MTBP: variants seen among roughly 807,000 people sequenced by gnomAD.
The protein encoded by MTBP is mdm2-binding protein.
A neutral mutation model predicts 117.0 loss-of-function variants in MTBP; 101 were observed. That is an observed-to-expected ratio of 0.86 (90% confidence interval 0.73 to 1.02). MTBP has a LOEUF of 1.02. MTBP is among the 50% of genes least tolerant of loss of function. The pLI is 0.00. For synonymous variants in MTBP, 350 were observed against 351.5 expected (o/e 1.00, Z 0.05); for missense variants, 970 against 1,030.9 (o/e 0.94, Z 0.81).
intron 13 of MTBP, among the ~76,000 whole-genome samples, chr8:120,493,742 C>T (rs1034762243): frequency 2.6e-5 from 4 of 152,212 alleles, no homozygotes; most frequent in African/African-American, 7.2e-5. Flanking sequence ...CCACCCGCTT[C>T]GGCCTCCCAA....
At chr8:120,498,918 T>C (rs1308174747) in intron 14 of MTBP, among the ~76,000 whole-genome samples, 1 of 152,152 alleles carries the variant, frequency 6.6e-6, no homozygotes, top group African/African-American at 2.4e-5. Flanking sequence ...CTAGGGCTTT[T>C]ATATAAGTTT....
intron 2 of MTBP, among the ~76,000 whole-genome samples, chr8:120,447,742 T>A (rs892666576): frequency 5.9e-5 from 9 of 152,302 alleles, no homozygotes; most frequent in Admixed American, 3.9e-4. Flanking sequence ...TACCCTGTAA[T>A]TTTAAAACCT....
At chr8:120,499,329 CAA>C (rs563234546) in intron 14 of MTBP, among the ~76,000 whole-genome samples, 369 of 152,236 alleles carry the variant, frequency 2.4e-3, no homozygotes, top group African/African-American at 8.4e-3. Context: ...GTAACTTTCT[CAA>C]AGAGGCTTTC....
At chr8:120,459,715 A>G (rs1337488371) in intron 8 of MTBP, among the ~76,000 whole-genome samples, 1 of 152,132 alleles carries the variant, frequency 6.6e-6, no homozygotes, top group African/African-American at 2.4e-5. Context: ...TGTGTCACCT[A>G]TAAGTTGTTT....
intron 13 of MTBP, among the ~76,000 whole-genome samples, chr8:120,491,969 G>A (rs1814355703): frequency 6.6e-6 from 1 of 152,130 alleles, no homozygotes; most frequent in African/African-American, 2.4e-5. Flanking sequence ...GTTCAACAGA[G>A]TTGGTGAGAG....
intron 11 of MTBP, among the ~76,000 whole-genome samples, chr8:120,480,013 A>C (rs146799230): frequency 6.6e-6 from 1 of 152,144 alleles, no homozygotes; most frequent in South Asian, 2.1e-4. Context: ...GAAGTAAAAG[A>C]AGTACACTGA....
At chr8:120,492,899 T>C (rs746262289) in intron 13 of MTBP, among the ~76,000 whole-genome samples, 1 of 152,184 alleles carries the variant, frequency 6.6e-6, no homozygotes, top group Non-Finnish European at 1.5e-5. Flanking sequence ...TTATGACTTT[T>C]TGTATTTGGA....
chr8:120,465,602 A>G (rs1442024325), intron 10 of MTBP, among the ~76,000 whole-genome samples: 3 of 150,786 alleles, frequency 2.0e-5, no homozygotes. Context: ...ATTTGAAGGT[A>G]TGATGAAATT....
At chr8:120,494,485 G>T (rs1227015901) in intron 13 of MTBP, among the ~76,000 whole-genome samples, 1 of 152,292 alleles carries the variant, frequency 6.6e-6, no homozygotes, top group Non-Finnish European at 1.5e-5. Flanking sequence ...CCATCTTTCA[G>T]TCCCTGTGTT....
At chr8:120,450,960 T>C in intron 2 of MTBP, 43 bp from the exon 3 acceptor site, 1 of 1,419,364 alleles carries the variant, frequency 7.0e-7, no homozygotes, top group Non-Finnish European at 9.8e-7. Flanking sequence ...ATCTGCTTAT[T>C]TATGGTATGC....
intron 13 of MTBP, among the ~76,000 whole-genome samples, chr8:120,496,927 T>C (rs1262466953): frequency 6.6e-6 from 1 of 152,182 alleles, no homozygotes; most frequent in Non-Finnish European, 1.5e-5. Context: ...ACTCGGTCAT[T>C]TATGTCTTCC....
At chr8:120,447,331 T>C (rs1268975640) in intron 2 of MTBP, among the ~76,000 whole-genome samples, 2 of 152,160 alleles carry the variant, frequency 1.3e-5, no homozygotes, top group Non-Finnish European at 2.9e-5. Context: ...TGATTTCTAA[T>C]ATGTGTATGC....
At chr8:120,477,877 A>G (rs1039871364) in intron 11 of MTBP, among the ~76,000 whole-genome samples, 2 of 152,182 alleles carry the variant, frequency 1.3e-5, no homozygotes, top group Non-Finnish European at 2.9e-5. Context: ...CAGAAATACC[A>G]TTTGACCCAG....
At chr8:120,498,598 T>A (rs1003518591) in intron 14 of MTBP, among the ~76,000 whole-genome samples, 10 of 152,202 alleles carry the variant, frequency 6.6e-5, no homozygotes, top group Non-Finnish European at 1.2e-4. Context: ...TTAAATTAAT[T>A]ATTCCTAAAT....
At chr8:120,500,159 A>C (rs1199171512) in intron 14 of MTBP, among the ~76,000 whole-genome samples, 9 of 150,802 alleles carry the variant, frequency 6.0e-5, no homozygotes, top group Admixed American at 5.9e-4. Context: ...CTATTGTTCT[A>C]TTTCTGTGTT....
rs1459636791 is a variant in MTBP at position 120,502,501 on chromosome 8, C to T, written c.1619C>T (p.Pro540Leu). ...KTFNILNDFS[P>L]VEPNSSSLME... ...ATTTCTTTCACTTTAGATTTTAGTC[C>T]AGTGGAACCTAATTCCTCAAGTCTA... Residue 540 changes from proline to leucine, a missense_variant, in exon 15 of 22, where the codon CCA becomes CTA. Physicochemically the swap from Pro to Leu is moderately conservative, Grantham distance 98 (BLOSUM62 -3). Coordinates refer to ENST00000305949, the MANE Select transcript of MTBP (RefSeq NM_022045.5). The T allele has an allele frequency of 5.7e-6, 9 of 1,586,520 alleles. No homozygotes were observed. Among genetic ancestry groups the T allele is most frequent in the Non-Finnish European group, 6.9e-6 (8 of 1,167,410 alleles).
chr8:120,514,985 T>A (rs1010379979), intron 17 of MTBP, among the ~76,000 whole-genome samples: 8 of 151,986 alleles, frequency 5.3e-5, no homozygotes, highest in African/African-American at 1.9e-4. Context: ...TATGTAAGTG[T>A]CACAAGGGAA....
chr8:120,522,799 G>GTAA (rs1397659004), intron 21 of MTBP, 80 bp downstream of exon 21: 13 of 1,072,418 alleles, frequency 1.2e-5, no homozygotes, highest in Non-Finnish European at 1.5e-5. Context: ...CATTATATAT[G>GTAA]CAGCAGTAAT....
At chr8:120,480,235 C>CA (rs33996388) in intron 11 of MTBP, among the ~76,000 whole-genome samples, 1,408 of 132,450 alleles carry the variant, frequency 0.011, 26 homozygotes, top group African/African-American at 0.036. Context: ...CCCGTCTCTA[C>CA]AAAAAAAAAA....
Sources: allele counts gnomAD v4.1 joint callset (sites outside exome capture counted in the v4.1 genomes callset), GRCh38; gene constraint gnomAD v4.1.1; transcripts MANE v1.5; gene names NCBI Gene and HGNC (gene_info 2026-07-23, HGNC 2026-07-21).